The following CACNA1D variants were observed in gnomAD, a reference collection of about 807,000 sequenced individuals.
The protein encoded by CACNA1D is voltage-dependent L-type calcium channel subunit alpha-1D.
A neutral mutation model predicts 257.1 loss-of-function variants in CACNA1D; 55 were observed. The observed-to-expected ratio is 0.21, with a 90% CI of 0.17 to 0.27. The LOEUF is 0.27. Ranked by LOEUF, CACNA1D falls within the 10% of genes least tolerant of loss-of-function variation. CACNA1D has a pLI of 1.00. For missense variants in CACNA1D, 1,876 were observed against 2,784.0 expected (o/e 0.67, Z 7.34); for synonymous variants, 980 against 1,014.9 (o/e 0.97, Z 0.65).
chr3:53,608,125 T>C (rs2093536491), intron 3 of CACNA1D, among the ~76,000 whole-genome samples: 1 of 152,232 alleles, frequency 6.6e-6, no homozygotes. Flanking sequence ...CTTCTGTCCA[T>C]GAACATGTAT....
chr3:53,677,748 C>G (rs1483458297), intron 8 of CACNA1D, among the ~76,000 whole-genome samples: 2 of 152,180 alleles, frequency 1.3e-5, no homozygotes. Context: ...TTTTTTTGCA[C>G]AAATTGAGGG....
Position 53,723,688 on chromosome 3 carries a change from GT to G in CACNA1D, c.1892+33del. The G allele has an allele frequency of 2.5e-6, 4 of 1,607,164 alleles. No homozygotes were observed. The highest frequency in any genetic ancestry group is 3.4e-6 in the Non-Finnish European group (4 of 1,173,750). ...AGGAAATGTGGGTCCCACTGCAAATGTTTTATGAACATGAGGCGGCAACCAG... is the reference window on the plus strand; with the variant it reads ...AGGAAATGTGGGTCCCACTGCAAATGTTTATGAACATGAGGCGGCAACCAG... On this transcript the variant is annotated intron_variant, in intron 13 of 47. Coordinates refer to ENST00000350061, the MANE Select transcript of CACNA1D (RefSeq NM_001128840.3). This position sits in a 1 kb window ranked among gnomAD's most constrained non-coding sequence, Gnocchi z 5.6.
At chr3:53,705,026 A>G (rs1225334087) in intron 9 of CACNA1D, among the ~76,000 whole-genome samples, 1 of 152,210 alleles carries the variant, frequency 6.6e-6, no homozygotes, top group Non-Finnish European at 1.5e-5. Context: ...AGCATTTCCT[A>G]TGACCTATCA....
intron 3 of CACNA1D, among the ~76,000 whole-genome samples, chr3:53,515,736 T>A (rs756085705): frequency 3.0e-4 from 45 of 152,232 alleles, no homozygotes; most frequent in Admixed American, 1.3e-4. Context: ...CTCTGACATG[T>A]GGTCCCTGAC....
intron 3 of CACNA1D, among the ~76,000 whole-genome samples, chr3:53,566,825 C>G (rs184897447): frequency 6.6e-6 from 1 of 152,280 alleles, no homozygotes; most frequent in Non-Finnish European, 1.5e-5. Context: ...AGTATTCTTC[C>G]ATTACATGCT....
intron 3 of CACNA1D, among the ~76,000 whole-genome samples, chr3:53,550,676 C>T (rs2092513828): frequency 6.6e-6 from 1 of 152,212 alleles, no homozygotes; most frequent in Non-Finnish European, 1.5e-5. Flanking sequence ...ACTTGAGTTT[C>T]TCTCTTGCTG....
At position 53,723,012 on chromosome 3, in the gene CACNA1D, G is replaced by T. The variant is rs905682608; in HGVS notation, c.1667-422G>T. 2.6e-5 allele frequency among the ~76,000 whole-genome samples: 4 copies of T among 152,086 alleles called. No homozygotes were observed. The highest frequency in any genetic ancestry group is 9.7e-5 in the African/African-American group (4 of 41,402). On this transcript the variant is annotated intron_variant, in intron 12 of 47. Transcript: ENST00000350061. The surrounding 1 kb of genome is among the most constrained non-coding windows in gnomAD (Gnocchi z 5.6). Reference sequence around the variant, plus strand: ...TTAGAAATGACATTGATAGGTGACTGCTTCTGATATCGTCATGCCATAAAT... The same window carrying T: ...TTAGAAATGACATTGATAGGTGACTTCTTCTGATATCGTCATGCCATAAAT...
chr3:53,652,387 C>A (rs147329756), intron 4 of CACNA1D, among the ~76,000 whole-genome samples: 52 of 152,022 alleles, frequency 3.4e-4, no homozygotes, highest in African/African-American at 1.2e-3. Context: ...TTTGGGGAGG[C>A]AGAATAGGGG....
chr3:53,674,749 A>G (rs2108424336), intron 8 of CACNA1D, among the ~76,000 whole-genome samples: 1 of 152,240 alleles, frequency 6.6e-6, no homozygotes, highest in South Asian at 2.1e-4. Flanking sequence ...TCCTTCATAC[A>G]GCCATTGCCG....
chr3:53,715,454 T>A (rs2094808078), intron 9 of CACNA1D, among the ~76,000 whole-genome samples: 1 of 152,032 alleles, frequency 6.6e-6, no homozygotes, highest in Non-Finnish European at 1.5e-5. Flanking sequence ...TGGCTCACAC[T>A]AGATGCGTCT....
chr3:53,633,726 T>C (rs1270897988), intron 3 of CACNA1D, among the ~76,000 whole-genome samples: 2 of 152,328 alleles, frequency 1.3e-5, no homozygotes, highest in East Asian at 1.9e-4. Flanking sequence ...CTATTTGCCC[T>C]TTACTGGTAA....
At chr3:53,773,048 CT>C in intron 33 of CACNA1D, 150 bp downstream of exon 33, 1 of 741,988 alleles carries the variant, frequency 1.3e-6, no homozygotes, top group Non-Finnish European at 2.4e-6. Context: ...AAAGACAAAG[CT>C]GCTTAGTAGA....
At chr3:53,612,722 G>A (rs1418755988) in intron 3 of CACNA1D, among the ~76,000 whole-genome samples, 1 of 152,050 alleles carries the variant, frequency 6.6e-6, no homozygotes, top group African/African-American at 2.4e-5. Flanking sequence ...TTTGTGTTCT[G>A]CTTGGCGCCC....
intron 3 of CACNA1D, among the ~76,000 whole-genome samples, chr3:53,564,928 G>A: frequency 6.6e-6 from 1 of 152,078 alleles, no homozygotes; most frequent in Non-Finnish European, 1.5e-5. Flanking sequence ...AAACTTTTTT[G>A]TTTGTTTGTT....
intron 17 of CACNA1D, among the ~76,000 whole-genome samples, 179 bp downstream of exon 17, chr3:53,731,325 G>A (rs779107853): frequency 2.0e-5 from 3 of 152,178 alleles, no homozygotes; most frequent in African/African-American, 7.2e-5. Flanking sequence ...TTGAATTTAG[G>A]CAGTTAGTTG....
At chr3:53,617,957 G>C (rs2093655255) in intron 3 of CACNA1D, among the ~76,000 whole-genome samples, 1 of 152,136 alleles carries the variant, frequency 6.6e-6, no homozygotes, top group African/African-American at 2.4e-5. Context: ...GCCAAGCCCA[G>C]GTATGTTTTA....
intron 29 of CACNA1D, among the ~76,000 whole-genome samples, chr3:53,755,477 A>T (rs1040180975): frequency 1.3e-5 from 2 of 152,218 alleles, no homozygotes; most frequent in African/African-American, 4.8e-5. Context: ...AGAGTTCAGT[A>T]GCGCGTGAAC....
intron 30 of CACNA1D, among the ~76,000 whole-genome samples, chr3:53,763,205 A>G (rs961514424): frequency 1.3e-5 from 2 of 152,212 alleles, no homozygotes; most frequent in Non-Finnish European, 2.9e-5. Context: ...GCTTGGGGCC[A>G]GGGAAAAGAG....
intron 3 of CACNA1D, among the ~76,000 whole-genome samples, chr3:53,515,700 T>C (rs2091305604): frequency 6.6e-6 from 1 of 152,214 alleles, no homozygotes; most frequent in African/African-American, 2.4e-5. Flanking sequence ...CTAGGGCTCC[T>C]CAGGACCCAG....
Sources: allele counts gnomAD v4.1 joint callset (sites outside exome capture counted in the v4.1 genomes callset), GRCh38; gene constraint gnomAD v4.1.1; non-coding constraint Gnocchi (gnomAD v3.1); transcripts MANE v1.5; gene names NCBI Gene and HGNC (gene_info 2026-07-23, HGNC 2026-07-21).